NEBL: variants seen among roughly 807,000 people sequenced by gnomAD.
The protein encoded by NEBL is nebulette.
A neutral mutation model predicts 140.2 loss-of-function variants in NEBL; 122 were observed. The ratio of observed to expected loss-of-function variants is 0.87; its 90% CI spans 0.75 to 1.01. NEBL has a LOEUF of 1.01. Among genes scored for constraint, NEBL ranks in the 50% least tolerant of loss-of-function variants. The pLI is 0.00. For missense variants in NEBL, 1,365 were observed against 1,231.3 expected (o/e 1.11, Z -1.62); for synonymous variants, 436 against 398.9 (o/e 1.09, Z -1.11).
At chr10:21,182,338 T>C in intron 3 of NEBL, among the ~76,000 whole-genome samples, 1 of 152,138 alleles carries the variant, frequency 6.6e-6, no homozygotes, top group South Asian at 2.1e-4. Flanking sequence ...TAACTAGGTG[T>C]GGCGGTGTGT....
chr10:20,869,690 C>T (rs745771673), intron 6 of NEBL, 50 bp downstream of exon 6: 16 of 1,324,170 alleles, frequency 1.2e-5, no homozygotes. Context: ...GCTTTGCCTC[C>T]TACAAAAGTA....
rs1841184653 is a variant in NEBL, at chr10:21,173,657, C to T, written c.69+108G>A. The stretch of plus-strand genomic sequence containing the variant: ...CTCCCCCCGTGCCAAGGCACACGCA[C>T]ACGCACCGACCCACTCATTGCTTTC... On this transcript the variant is annotated intron_variant, in intron 1 of 6. Transcript: ENST00000417816. This position sits in a 1 kb window ranked among gnomAD's most constrained non-coding sequence, Gnocchi z 5.7. The T allele has an allele frequency of 6.4e-7, 1 of 1,568,714 alleles. No homozygotes were observed. The highest frequency in any genetic ancestry group is 8.7e-7 in the Non-Finnish European group (1 of 1,153,500).
At chr10:21,100,152 C>G (rs1254297517) in intron 2 of NEBL, among the ~76,000 whole-genome samples, 1 of 152,152 alleles carries the variant, frequency 6.6e-6, no homozygotes, top group African/African-American at 2.4e-5. Context: ...TCTATTGACT[C>G]TTTAGTTTCC....
At chr10:21,073,563 G>A (rs951548218) in intron 2 of NEBL, among the ~76,000 whole-genome samples, 7 of 146,758 alleles carry the variant, frequency 4.8e-5, no homozygotes, top group African/African-American at 1.3e-4. Flanking sequence ...GTTGCAGTGA[G>A]CCTAGAATGC....
chr10:21,240,467 A>AC (rs1301053540), intron 3 of NEBL, among the ~76,000 whole-genome samples: 1 of 152,112 alleles, frequency 6.6e-6, no homozygotes, highest in Non-Finnish European at 1.5e-5. Context: ...ACATGGTGAA[A>AC]CCCCATCTCT....
intron 2 of NEBL, among the ~76,000 whole-genome samples, chr10:21,158,882 T>C (rs1343234702): frequency 1.3e-5 from 2 of 152,232 alleles, no homozygotes; most frequent in Non-Finnish European, 2.9e-5. Flanking sequence ...TCGTTTATTA[T>C]CACAATTATC....
intron 4 of NEBL, among the ~76,000 whole-genome samples, chr10:20,932,162 A>T (rs1014706164): frequency 6.6e-6 from 1 of 151,996 alleles, no homozygotes; most frequent in Non-Finnish European, 1.5e-5. Flanking sequence ...AGTCCAAACC[A>T]CCATATCGTA....
chr10:20,821,662 T>G (rs1839328520), intron 19 of NEBL, among the ~76,000 whole-genome samples: 1 of 152,198 alleles, frequency 6.6e-6, no homozygotes, highest in Non-Finnish European at 1.5e-5. Context: ...AATCACGAAG[T>G]CAACTGCTCT....
intron 1 of NEBL, among the ~76,000 whole-genome samples, chr10:21,278,825 G>A (rs1440919611): frequency 6.6e-6 from 1 of 152,142 alleles, no homozygotes; most frequent in East Asian, 1.9e-4. Context: ...GCAGGGCCAA[G>A]GTTAGAATCA....
intron 2 of NEBL, among the ~76,000 whole-genome samples, chr10:21,061,248 A>G (rs1220382641): frequency 6.8e-6 from 1 of 146,982 alleles, no homozygotes; most frequent in Non-Finnish European, 1.5e-5. Context: ...GATATATTAC[A>G]TATTATGTGA....
chr10:21,266,943 A>T (rs1842803180), intron 1 of NEBL, among the ~76,000 whole-genome samples: 1 of 151,490 alleles, frequency 6.6e-6, no homozygotes, highest in African/African-American at 2.4e-5. Context: ...TGACTGGATA[A>T]TTTTTGTTTT....
intron 7 of NEBL, among the ~76,000 whole-genome samples, chr10:20,864,521 A>T (rs1207353131): frequency 6.6e-6 from 1 of 152,004 alleles, no homozygotes; most frequent in South Asian, 2.1e-4. Flanking sequence ...CTGCCCATTC[A>T]CTCTCTGTTC....
chr10:21,239,061 G>C (rs1370806462), intron 3 of NEBL, among the ~76,000 whole-genome samples: 10 of 152,066 alleles, frequency 6.6e-5, no homozygotes, highest in Admixed American at 6.6e-4. Context: ...ACTAGAAATG[G>C]TTTTCAAGAT....
intron 2 of NEBL, chr10:21,125,739 A>G: frequency 2.9e-6 from 3 of 1,026,848 alleles, no homozygotes; most frequent in Non-Finnish European, 4.4e-6. Context: ...CATGTGCTCC[A>G]CAGGGCACGG....
At chr10:21,033,637 G>T (rs1266531586) in intron 2 of NEBL, among the ~76,000 whole-genome samples, 2 of 151,900 alleles carry the variant, frequency 1.3e-5, no homozygotes, top group African/African-American at 2.4e-5. Context: ...CTACTCGGGA[G>T]GCTGAGGCAG....
intron 26 of NEBL, among the ~76,000 whole-genome samples, chr10:20,798,832 T>A (rs1466894492): frequency 6.6e-6 from 1 of 152,226 alleles, no homozygotes; most frequent in Non-Finnish European, 1.5e-5. Context: ...GGCACATCGA[T>A]GAAAGACACA....
chr10:20,868,127 C>A (rs1212406526), intron 7 of NEBL: 3 of 150,084 alleles, frequency 2.0e-5, no homozygotes, highest in African/African-American at 4.9e-5. Flanking sequence ...GAACTGACAT[C>A]TTTATCTATT....
chr10:21,177,450 C>G (rs1841319775), upstream of NEBL, among the ~76,000 whole-genome samples: 1 of 152,104 alleles, frequency 6.6e-6, no homozygotes, highest in Non-Finnish European at 1.5e-5. Flanking sequence ...AATGATGAGA[C>G]TTCAAGAGAA....
chr10:21,189,158 G>A (rs1292229978), intron 3 of NEBL, among the ~76,000 whole-genome samples: 1 of 151,968 alleles, frequency 6.6e-6, no homozygotes, highest in Non-Finnish European at 1.5e-5. Flanking sequence ...AAGTATCTTG[G>A]GGTAAGGAGA....
Sources: gnomAD v4.1 joint callset for allele counts (sites outside exome capture counted in the v4.1 genomes callset) on GRCh38, gnomAD v4.1.1 for gene constraint, Gnocchi (gnomAD v3.1) non-coding constraint, MANE v1.5 for transcripts, NCBI Gene and HGNC (gene_info 2026-07-23, HGNC 2026-07-21) for gene names.